Variants in MAPK9 observed in about 807,000 individuals in gnomAD.
MAPK9 encodes the protein mitogen-activated protein kinase 9.
A neutral mutation model predicts 57.1 loss-of-function variants in MAPK9; 30 were observed. That is an observed-to-expected ratio of 0.53 (90% CI 0.39 to 0.71). MAPK9 has a LOEUF of 0.71. Ranked by LOEUF, MAPK9 falls within the 30% of genes least tolerant of loss-of-function variation. The pLI, the probability that MAPK9 is intolerant of heterozygous loss-of-function variation, is 0.00. For synonymous variants in MAPK9, 155 were observed against 177.0 expected (o/e 0.88, Z 0.99); for missense variants, 362 against 521.0 (o/e 0.69, Z 2.97).
intron 1 of MAPK9, among the ~76,000 whole-genome samples, chr5:180,288,707 C>T (rs1318595344): frequency 6.6e-6 from 1 of 152,196 alleles, no homozygotes; most frequent in East Asian, 1.9e-4. Context: ...TCCCATTTAG[C>T]TTTGTCTTTA....
At chr5:180,259,633 A>C (rs1759705155) in intron 5 of MAPK9, among the ~76,000 whole-genome samples, 1 of 152,224 alleles carries the variant, frequency 6.6e-6, no homozygotes, top group Non-Finnish European at 1.5e-5. Flanking sequence ...TTTGACTGTA[A>C]GGAATGTGGT....
chr5:180,263,635 G>A (rs1760213981), intron 4 of MAPK9, among the ~76,000 whole-genome samples: 1 of 151,676 alleles, frequency 6.6e-6, no homozygotes, highest in Admixed American at 6.6e-5. Flanking sequence ...GGCATCCACT[G>A]CTGTCCTGAG....
intron 5 of MAPK9, among the ~76,000 whole-genome samples, chr5:180,256,553 G>A (rs1456422148): frequency 1.3e-5 from 2 of 152,230 alleles, no homozygotes; most frequent in East Asian, 3.9e-4. Context: ...GGAAGCAGCA[G>A]GGAACAAGGT....
At chr5:180,239,410 G>C (rs1757469921) in intron 10 of MAPK9, among the ~76,000 whole-genome samples, 2 of 152,200 alleles carry the variant, frequency 1.3e-5, no homozygotes, top group South Asian at 4.1e-4. Flanking sequence ...ACCCTCATCA[G>C]TGTTGACTGA....
At chr5:180,274,418 G>A (rs1241280802) in intron 2 of MAPK9, among the ~76,000 whole-genome samples, 2 of 152,202 alleles carry the variant, frequency 1.3e-5, no homozygotes, top group Non-Finnish European at 2.9e-5. Context: ...GGAAAGGGTG[G>A]AAAATCAGGG....
intron 1 of MAPK9, among the ~76,000 whole-genome samples, chr5:180,286,312 A>C (rs1762758857): frequency 6.7e-6 from 1 of 148,634 alleles, no homozygotes; most frequent in Non-Finnish European, 1.5e-5. Context: ...CACCCAGCTA[A>C]TTTTTGTATT....
At chr5:180,243,208 C>T (rs1757796702) in intron 7 of MAPK9, among the ~76,000 whole-genome samples, 1 of 152,176 alleles carries the variant, frequency 6.6e-6, no homozygotes, top group South Asian at 2.1e-4. Flanking sequence ...CCTCAGTTTA[C>T]AGCTGGGAAC....
intron 11 of MAPK9, 63 bp downstream of exon 11, chr5:180,238,269 C>CAAA: frequency 1.2e-5 from 13 of 1,077,350 alleles, no homozygotes; most frequent in South Asian, 1.6e-5. Context: ...AACTCTGTCT[C>CAAA]AAAAAAAAAA....
chr5:180,265,061 CTTAA>C (rs1321598977), intron 3 of MAPK9, among the ~76,000 whole-genome samples: 13 of 152,086 alleles, frequency 8.5e-5, no homozygotes, highest in African/African-American at 1.7e-4. Flanking sequence ...TCCCTAGTAA[CTTAA>C]TTATTACAGA....
At chr5:180,251,809 C>T (rs892363170) in intron 5 of MAPK9, among the ~76,000 whole-genome samples, 5 of 152,090 alleles carry the variant, frequency 3.3e-5, no homozygotes, top group Non-Finnish European at 7.4e-5. Flanking sequence ...TGAGGGTACC[C>T]ACAGCACCCG....
intron 7 of MAPK9, among the ~76,000 whole-genome samples, chr5:180,245,303 G>A (rs1428547957): frequency 2.0e-5 from 3 of 152,124 alleles, no homozygotes; most frequent in South Asian, 4.2e-4. Flanking sequence ...CCCGCCTGCT[G>A]GGGGCCTCCA....
intron 5 of MAPK9, among the ~76,000 whole-genome samples, chr5:180,255,598 T>A (rs1759192192): frequency 6.6e-6 from 1 of 150,796 alleles, no homozygotes; most frequent in African/African-American, 2.4e-5. Context: ...AGAGTATAAG[T>A]GTTTGTTAAC....
intron 2 of MAPK9, among the ~76,000 whole-genome samples, chr5:180,278,959 T>TTC (rs1449699282): frequency 1.4e-5 from 2 of 144,934 alleles, no homozygotes; most frequent in Non-Finnish European, 3.1e-5. Context: ...CTTTAAAACT[T>TTC]TTTTTTTTTT....
At chr5:180,272,929 G>C (rs1031496232) in intron 2 of MAPK9, among the ~76,000 whole-genome samples, 5 of 152,064 alleles carry the variant, frequency 3.3e-5, no homozygotes, top group African/African-American at 9.7e-5. Flanking sequence ...CTACAAATTT[G>C]TACAGCTGCC....
chr5:180,240,728 G>T (rs1017722809), intron 9 of MAPK9, among the ~76,000 whole-genome samples: 3 of 152,208 alleles, frequency 2.0e-5, no homozygotes, highest in Non-Finnish European at 4.4e-5. Flanking sequence ...TAAACAAGAG[G>T]ATGTAACCAA....
intron 5 of MAPK9, among the ~76,000 whole-genome samples, chr5:180,254,457 A>G (rs1411230243): frequency 6.6e-6 from 1 of 152,260 alleles, no homozygotes; most frequent in African/African-American, 2.4e-5. Flanking sequence ...AGAATGCTGT[A>G]AAAAGGAACT....
rs1048355569 is a variant in MAPK9, at chr5:180,235,127, C to T, written c.*1257G>A. 2.0e-5 allele frequency: 3 copies of T among 152,216 alleles called. No homozygotes were observed. The highest frequency in any genetic ancestry group is 2.0e-4 in the Admixed American group (3 of 15,286). 9.4% of individuals were successfully genotyped at this position (152,216 alleles called of 1,614,324 possible). A position where few individuals can be genotyped will look rare whatever the true frequency, so the allele number is the denominator to read the frequency against. ...TCTAAAAGTATCAATTTCAGGTGAG[C>T]AGTTTTAAATCAGAAAATAGTCAAT... On this transcript the variant is annotated 3_prime_UTR_variant, in exon 12 of 12. Coordinates refer to ENST00000452135, the MANE Select transcript of MAPK9 (RefSeq NM_002752.5).
chr5:180,278,577 G>C (rs995524890), intron 2 of MAPK9, among the ~76,000 whole-genome samples: 1 of 152,180 alleles, frequency 6.6e-6, no homozygotes, highest in African/African-American at 2.4e-5. Flanking sequence ...GCGTGCGCCT[G>C]TAGTCCCAGC....
rs1263425429 is a variant in MAPK9, at chr5:180,247,543, G to A, written c.617-33C>T. On this transcript the variant is annotated intron_variant, in intron 6 of 11. Coordinates refer to ENST00000452135, the MANE Select transcript of MAPK9 (RefSeq NM_002752.5). The surrounding 1 kb of genome is among the most constrained non-coding windows in gnomAD (Gnocchi z 4.5). ...TAAAATGAAATGATAAAATTATGAA[G>A]TGCCATGAACAAAACAAAAGTGAGG... 3 of 1,582,874 alleles carry A rather than the reference G, an allele frequency of 1.9e-6. No individual in the cohort carries two copies. Among genetic ancestry groups the A allele is most frequent in the South Asian group, 1.1e-5 (1 of 89,932 alleles).
Sources: gnomAD v4.1 joint callset for allele counts (sites outside exome capture counted in the v4.1 genomes callset) on GRCh38, gnomAD v4.1.1 for gene constraint, Gnocchi (gnomAD v3.1) non-coding constraint, MANE v1.5 for transcripts, NCBI Gene and HGNC (gene_info 2026-07-23, HGNC 2026-07-21) for gene names.